Variants in FAM13A observed in about 807,000 individuals in gnomAD.
FAM13A encodes the protein protein FAM13A.
In FAM13A, 76 loss-of-function variants were observed where a neutral mutation model predicts 129.6. That is an observed-to-expected ratio of 0.59 (90% CI 0.49 to 0.71). The LOEUF is 0.71. Among genes scored for constraint, FAM13A ranks in the 30% least tolerant of loss-of-function variants. The probability of loss-of-function intolerance (pLI) is 0.00; values close to 1 mark genes in which losing one functional copy is unlikely to be tolerated. For missense variants in FAM13A, 1,108 were observed against 1,249.3 expected (o/e 0.89, Z 1.70); for synonymous variants, 443 against 449.9 (o/e 0.98, Z 0.20).
In FAM13A at chr4:88,750,664, G is replaced by C. The variant is rs1742392186; in HGVS notation, c.1727-27C>G. 3 of 1,526,006 alleles carry C rather than the reference G, an allele frequency of 2.0e-6. No homozygotes were observed. In the Admixed American group the frequency reaches 5.1e-5, roughly 26 times the overall value. The allele number at this position is 1,526,006 out of a possible 1,614,324, so 94.5% of individuals were successfully genotyped here. ...TGGAAGATAAGGGCAGTAAGATCAG[G>C]ACTGTTCCTGAAAGAGGTCAGGGTT... On this transcript the variant is annotated intron_variant, in intron 14 of 23. Transcript: ENST00000264344.
chr4:88,824,189 G>A (rs553818690), intron 7 of FAM13A, among the ~76,000 whole-genome samples: 19 of 151,634 alleles, frequency 1.3e-4, no homozygotes, highest in South Asian at 6.2e-4. Flanking sequence ...ATATTTACAT[G>A]ATATTTTTTT....
chr4:88,957,024 T>C (rs1757855874), intron 4 of FAM13A, among the ~76,000 whole-genome samples: 1 of 152,176 alleles, frequency 6.6e-6, no homozygotes, highest in Non-Finnish European at 1.5e-5. Flanking sequence ...ACATGAAATC[T>C]AGTTATTTAA....
At chr4:88,913,877 A>G (rs759683866) in intron 5 of FAM13A, among the ~76,000 whole-genome samples, 41 of 152,250 alleles carry the variant, frequency 2.7e-4, no homozygotes, top group Middle Eastern at 3.4e-3. Context: ...TGGCAACTCT[A>G]CACTTAGTAT....
At chr4:88,766,963 G>A (rs1169822730) in intron 13 of FAM13A, among the ~76,000 whole-genome samples, 1 of 152,220 alleles carries the variant, frequency 6.6e-6, no homozygotes, top group Non-Finnish European at 1.5e-5. Flanking sequence ...AATGGAAGCT[G>A]GACTTGGGAG....
chr4:88,785,687 C>G (rs1723824507), intron 10 of FAM13A, among the ~76,000 whole-genome samples: 1 of 152,192 alleles, frequency 6.6e-6, no homozygotes, highest in Admixed American at 6.5e-5. Flanking sequence ...CAGGAAATGA[C>G]TACTGACCTA....
chr4:88,841,667 T>C (rs962742641), intron 7 of FAM13A, among the ~76,000 whole-genome samples: 1 of 152,142 alleles, frequency 6.6e-6, no homozygotes, highest in Non-Finnish European at 1.5e-5. Flanking sequence ...TGAAAAGATG[T>C]TCAACATCAT....
intron 5 of FAM13A, among the ~76,000 whole-genome samples, chr4:88,921,640 C>G (rs1751111740): frequency 6.6e-6 from 1 of 152,182 alleles, no homozygotes; most frequent in Non-Finnish European, 1.5e-5. Flanking sequence ...GAAACTGCAT[C>G]AACTAACGAG....
chr4:88,977,791 G>A lies in FAM13A; in HGVS notation c.605+13182C>T, dbSNP rs573009797. On this transcript the variant is annotated intron_variant, in intron 4 of 23. Transcript: ENST00000264344. ...CATACTTACTAACACTAATAGCTGC[G>A]TAATAAAGTTTGCTCCATCCTTCCT... 9.9e-4 allele frequency among the ~76,000 whole-genome samples: 151 copies of A among 152,220 alleles called. 1 individual carries two copies. The Middle Eastern group carries it at 0.024, about 24-fold the overall frequency.
At chr4:89,020,127 A>G (rs1249736534) in intron 3 of FAM13A, among the ~76,000 whole-genome samples, 1 of 152,184 alleles carries the variant, frequency 6.6e-6, no homozygotes, top group Non-Finnish European at 1.5e-5. Flanking sequence ...GGTATTTCAT[A>G]ATCAGTCTAG....
chr4:89,004,099 A>G (rs1764659875), intron 3 of FAM13A, among the ~76,000 whole-genome samples: 1 of 152,208 alleles, frequency 6.6e-6, no homozygotes, highest in Non-Finnish European at 1.5e-5. Context: ...CTGGAATTAT[A>G]TAGTCATAAG....
rs563012865 is a variant in FAM13A, at chr4:89,028,772, A to T, written c.217+688T>A. Among the ~76,000 whole-genome samples, 121 of 38,182 alleles carry T rather than the reference A, an allele frequency of 3.2e-3. 1 individual carries two copies. Among genetic ancestry groups the T allele is most frequent in the African/African-American group, 0.018 (117 of 6,420 alleles). 25.0% of individuals were successfully genotyped at this position (38,182 alleles called of 152,430 possible). A position where few individuals can be genotyped will look rare whatever the true frequency, so the allele number is the denominator to read the frequency against. On this transcript the variant is annotated intron_variant, in intron 2 of 23. Transcript: ENST00000264344. ...ATGTACCCTAAAACTTAAAGTACAT[A>T]AAAAAAAAAAAAAGATGTAGGGAAT...
In FAM13A at chr4:88,832,830, C is replaced by T. The variant is rs1037003984; in HGVS notation, c.1007+18190G>A. ...TGTGGAAGACAGTGTGGTGATTCCT[C>T]AAAGATCTAGAACAGAAATACCATT... On this transcript the variant is annotated intron_variant, in intron 7 of 23. Transcript: ENST00000264344. Among the ~76,000 whole-genome samples, 4 of 152,218 alleles carry T rather than the reference C, an allele frequency of 2.6e-5. No homozygotes were observed. The South Asian group carries it at 8.3e-4, about 32-fold the overall frequency.
intron 7 of FAM13A, among the ~76,000 whole-genome samples, chr4:88,833,982 C>T (rs1452556065): frequency 6.6e-6 from 1 of 151,826 alleles, no homozygotes; most frequent in Non-Finnish European, 1.5e-5. Context: ...ACCTCCGTCT[C>T]CCAGACTCAA....
intron 6 of FAM13A, among the ~76,000 whole-genome samples, chr4:88,881,351 G>A (rs1009518300): frequency 6.6e-6 from 1 of 152,180 alleles, no homozygotes; most frequent in Non-Finnish European, 1.5e-5. Flanking sequence ...TAGCTCCACT[G>A]GGTGGCTAGA....
intron 1 of FAM13A, among the ~76,000 whole-genome samples, chr4:89,043,626 C>T (rs1276337723): frequency 6.6e-6 from 1 of 152,040 alleles, no homozygotes; most frequent in African/African-American, 2.4e-5. Context: ...AATCTTCCTA[C>T]AACAACTCAT....
chr4:88,975,775 A>G (rs892415928), intron 4 of FAM13A, among the ~76,000 whole-genome samples: 2 of 152,238 alleles, frequency 1.3e-5, no homozygotes, highest in Non-Finnish European at 2.9e-5. Flanking sequence ...ATCAAGGCAA[A>G]TGATACAATG....
At chr4:88,768,511 A>T (rs1746142582) in intron 11 of FAM13A, 1 of 155,722 alleles carries the variant, frequency 6.4e-6, no homozygotes, top group Non-Finnish European at 1.4e-5. Context: ...ACACACATTT[A>T]TGTATATTCA....
chr4:88,888,665 C>T (rs548900036), intron 6 of FAM13A, among the ~76,000 whole-genome samples: 75 of 152,104 alleles, frequency 4.9e-4, no homozygotes, highest in African/African-American at 1.6e-3. Flanking sequence ...GTGGCTCACG[C>T]CTGTAATCCC....
intron 7 of FAM13A, among the ~76,000 whole-genome samples, chr4:88,836,962 GA>G (rs76318928): frequency 0.25 from 37,341 of 148,170 alleles, 5,263 homozygotes; most frequent in South Asian, 0.53. Flanking sequence ...TCCATCTCAA[GA>G]AAAAAAAAAA....
Sources: gnomAD v4.1 joint callset for allele counts (sites outside exome capture counted in the v4.1 genomes callset) on GRCh38, gnomAD v4.1.1 for gene constraint, MANE v1.5 for transcripts, NCBI Gene and HGNC (gene_info 2026-07-23, HGNC 2026-07-21) for gene names.